GSR: variants seen among roughly 807,000 people sequenced by gnomAD.
The protein encoded by GSR is glutathione-disulfide reductase.
A neutral mutation model predicts 56.5 loss-of-function variants in GSR; 48 were observed. The ratio of observed to expected loss-of-function variants is 0.85; its 90% CI spans 0.67 to 1.08. The LOEUF is 1.08. GSR is among the 50% of genes least tolerant of loss of function. The probability of loss-of-function intolerance (pLI) is 0.00; values close to 1 mark genes in which losing one functional copy is unlikely to be tolerated. For missense variants in GSR, 694 were observed against 703.3 expected, an observed-to-expected ratio of 0.99 and a Z score of 0.15; for synonymous variants, 264 against 270.8, an observed-to-expected ratio of 0.97 and a Z score of 0.25.
At chr8:30,688,679 C>T (rs776675592) in intron 9 of GSR, among the ~76,000 whole-genome samples, 1 of 150,942 alleles carries the variant, frequency 6.6e-6, no homozygotes, top group Non-Finnish European at 1.5e-5. Flanking sequence ...AGTCCCAGCA[C>T]TCTGGGAGGC....
chr8:30,693,726 G>A (rs1343859466), intron 7 of GSR, among the ~76,000 whole-genome samples: 1 of 151,964 alleles, frequency 6.6e-6, no homozygotes, highest in Non-Finnish European at 1.5e-5. Flanking sequence ...ACGGGGTTTC[G>A]CCATGTCGGC....
chr8:30,689,107 C>A, intron 9 of GSR, 54 bp downstream of exon 9: 1 of 1,553,394 alleles, frequency 6.4e-7, no homozygotes, highest in African/African-American at 1.4e-5. Context: ...GAAAATAAAA[C>A]CATAAGACTC....
Position 30,727,668 on chromosome 8 carries a change from C to A in GSR, c.168G>T (p.Pro56=). The A allele has an allele frequency of 1.4e-6, 2 of 1,447,282 alleles. No individual in the cohort carries two copies. Among genetic ancestry groups the A allele is most frequent in the Non-Finnish European group, 9.0e-7 (1 of 1,109,690 alleles). 89.7% of individuals were successfully genotyped at this position (1,447,282 alleles called of 1,614,324 possible). A position where few individuals can be genotyped will look rare whatever the true frequency, so the allele number is the denominator to read the frequency against. The change falls in exon 1 of 13, where the codon CCG becomes CCT. Residue 56 remains proline, a synonymous_variant. Coordinates refer to ENST00000221130, the MANE Select transcript of GSR (RefSeq NM_000637.5). The part of the protein sequence containing the change: ...CRQEPQPQGP[P]PAAGAVASYD... Reference sequence around the variant, plus strand: ...AGGAGGCCACGGCGCCAGCAGCGGGCGGCGGGCCCTGCGGCTGCGGCTCCT... The same window carrying A: ...AGGAGGCCACGGCGCCAGCAGCGGGAGGCGGGCCCTGCGGCTGCGGCTCCT...
intron 5 of GSR, among the ~76,000 whole-genome samples, chr8:30,700,355 CTT>C (rs1467330606): frequency 6.6e-6 from 1 of 152,008 alleles, no homozygotes; most frequent in Non-Finnish European, 1.5e-5. Context: ...GGCTAAATAA[CTT>C]TTACATTTCT....
intron 9 of GSR, among the ~76,000 whole-genome samples, 189 bp downstream of exon 9, chr8:30,688,967 AAGAAG>A (rs1056788366): frequency 8.5e-5 from 13 of 152,094 alleles, no homozygotes; most frequent in Non-Finnish European, 1.5e-4. Flanking sequence ...AGGAAAAGGA[AAGAAG>A]AGAAGAGAAA....
chr8:30,705,552 G>A (rs938228676), intron 4 of GSR, among the ~76,000 whole-genome samples: 4 of 151,998 alleles, frequency 2.6e-5, no homozygotes, highest in African/African-American at 7.3e-5. Context: ...GTGAGCCACC[G>A]CGCCCGGCCT....
chr8:30,723,824 G>C (rs887264898), intron 1 of GSR, among the ~76,000 whole-genome samples: 9 of 150,470 alleles, frequency 6.0e-5, no homozygotes, highest in African/African-American at 2.2e-4. Context: ...ACACACCCAG[G>C]TCTGCTGGGA....
In GSR at chr8:30,693,017, G is replaced by T; in HGVS notation, c.834C>A (p.Cys278Ter). ...RSFDSMISTN[C>*]TEELENAGVE... Reference sequence around the variant, plus strand: ...CGCCAGCGTTCTCCAGCTCCTCCGTGCAGTTGGTGCTGATCATTGAATCAA... The same window carrying T: ...CGCCAGCGTTCTCCAGCTCCTCCGTTCAGTTGGTGCTGATCATTGAATCAA... The change falls in exon 8 of 13, where the codon TGC (cysteine) becomes TGA (stop). Residue 278 changes from cysteine (C) to a stop codon, truncating the protein, a stop_gained. Coordinates refer to ENST00000221130, the MANE Select transcript of GSR (RefSeq NM_000637.5). LOFTEE classifies it high-confidence loss of function. 1 of 1,612,604 alleles carries T rather than the reference G, an allele frequency of 6.2e-7. No individual in the cohort carries two copies. The highest frequency in any genetic ancestry group is 8.5e-7 in the Non-Finnish European group (1 of 1,178,930).
rs963774119 is a variant in GSR at position 30,693,033 on chromosome 8, A to G, written c.818T>C (p.Met273Thr). Residue 273 changes from methionine (M) to threonine (T), a missense_variant, in exon 8 of 13, where the codon ATG becomes ACG. By Grantham distance (81) the Met-to-Thr change is moderately conservative. Transcript: ENST00000221130. ...HDKVLRSFDS[M>T]ISTNCTEELE... ...CTCCTCCGTGCAGTTGGTGCTGATC[A>G]TTGAATCAAAACTTCTAAGTACCTG... is the stretch of plus-strand genomic sequence containing the variant. 3.1e-6 allele frequency: 5 copies of G among 1,611,296 alleles called. No homozygotes were observed. In the African/African-American group the frequency reaches 6.7e-5, roughly 22 times the overall value.
chr8:30,681,387 T>C (rs1331867198), intron 11 of GSR, among the ~76,000 whole-genome samples: 1 of 151,782 alleles, frequency 6.6e-6, no homozygotes, highest in Non-Finnish European at 1.5e-5. Context: ...CCAGGCATGG[T>C]GGTGGTGCAG....
intron 7 of GSR, among the ~76,000 whole-genome samples, chr8:30,694,461 CACT>C (rs1255893750): frequency 6.6e-6 from 1 of 152,164 alleles, no homozygotes; most frequent in Non-Finnish European, 1.5e-5. Flanking sequence ...AGGCGTATAC[CACT>C]ACACCTTGCT....
At chr8:30,727,145 T>A (rs1804754488) in intron 1 of GSR, 1 of 188,536 alleles carries the variant, frequency 5.3e-6, no homozygotes, top group Non-Finnish European at 1.1e-5. Flanking sequence ...TATGGCACCG[T>A]CACCCTCGTC....
chr8:30,694,633 A>G (rs1207978173), intron 7 of GSR, among the ~76,000 whole-genome samples: 2 of 151,642 alleles, frequency 1.3e-5, no homozygotes, highest in Non-Finnish European at 2.9e-5. Flanking sequence ...ATCTCTAAAA[A>G]TATATAAAAA....
In GSR at chr8:30,682,070, A is replaced by G; in HGVS notation, c.1154-9T>C. On this transcript the variant is annotated splice_polypyrimidine_tract_variant and intron_variant, in intron 10 of 12. Coordinates refer to ENST00000221130, the MANE Select transcript of GSR (RefSeq NM_000637.5). ...GCCAGCAGCTATTGCAACTATGGAG[A>G]TATTTTAAAATCAGTGTTTATCTTA... 6.2e-7 allele frequency: 1 copy of G among 1,610,730 alleles called. No individual in the cohort carries two copies. Among genetic ancestry groups the G allele is most frequent in the Non-Finnish European group, 8.5e-7 (1 of 1,176,956 alleles).
chr8:30,720,685 G>A (rs1008206299), intron 1 of GSR, among the ~76,000 whole-genome samples: 8 of 145,290 alleles, frequency 5.5e-5, no homozygotes, highest in African/African-American at 2.0e-4. Context: ...AAAAAAAGCA[G>A]TCTGTGTAAA....
At chr8:30,717,033 T>A (rs1804356768) in intron 1 of GSR, among the ~76,000 whole-genome samples, 1 of 152,004 alleles carries the variant, frequency 6.6e-6, no homozygotes, top group South Asian at 2.1e-4. Flanking sequence ...AGGTCGGTAG[T>A]TCAAGACCAG....
At chr8:30,724,710 A>C (rs1804666962) in intron 1 of GSR, among the ~76,000 whole-genome samples, 1 of 151,804 alleles carries the variant, frequency 6.6e-6, no homozygotes, top group Admixed American at 6.6e-5. Flanking sequence ...TAATTTTTGT[A>C]TTTTTAGTAG....
At chr8:30,683,863 T>C (rs1251859667) in intron 10 of GSR, among the ~76,000 whole-genome samples, 1 of 152,310 alleles carries the variant, frequency 6.6e-6, no homozygotes, top group African/African-American at 2.4e-5. Flanking sequence ...GGTGATCATA[T>C]TGTCTACATG....
At position 30,679,175 on chromosome 8, in the gene GSR, A is replaced by C; in HGVS notation, c.*345T>G. 2 of 216,260 alleles carry C rather than the reference A, an allele frequency of 9.2e-6. No individual in the cohort carries two copies. The highest frequency in any genetic ancestry group is 1.8e-5 in the Non-Finnish European group (2 of 108,740). The allele number at this position is 216,260 out of a possible 1,614,324, so 13.4% of individuals were successfully genotyped here. ...AAAAAAAAAAAAAAAAAAAGTAGCA[A>C]GTTCTATTCATTCAAGTACATTAAG... On this transcript the variant is annotated 3_prime_UTR_variant, in exon 13 of 13. Transcript: ENST00000221130.
Sources: allele counts gnomAD v4.1 joint callset (sites outside exome capture counted in the v4.1 genomes callset), GRCh38; gene constraint gnomAD v4.1.1; transcripts MANE v1.5; gene names NCBI Gene and HGNC (gene_info 2026-07-23, HGNC 2026-07-21).